The following SYN3 variants were observed in gnomAD, a reference collection of about 807,000 sequenced individuals.
SYN3 encodes the protein synapsin III.
In SYN3, 35 loss-of-function variants were observed where a neutral mutation model predicts 65.8. The observed-to-expected ratio is 0.53, with a 90% CI of 0.41 to 0.70. The LOEUF (loss-of-function observed/expected upper bound fraction) is 0.70. Among genes scored for constraint, SYN3 ranks in the 30% least tolerant of loss-of-function variants. The pLI is 0.00. For synonymous variants in SYN3, 270 were observed against 292.9 expected (o/e 0.92, Z 0.80); for missense variants, 680 against 749.0 (o/e 0.91, Z 1.08).
At chr22:32,672,122 G>T (rs2060380075) in intron 6 of SYN3, among the ~76,000 whole-genome samples, 2 of 152,110 alleles carry the variant, frequency 1.3e-5, no homozygotes, top group African/African-American at 4.8e-5. Flanking sequence ...ATCCATCATG[G>T]CCAGCAGGCT....
rs372184854 is a variant in SYN3 at position 32,685,018 on chromosome 22, T to C, written c.712-88282A>G. Among the ~76,000 whole-genome samples, 85 of 152,340 alleles carry C rather than the reference T, an allele frequency of 5.6e-4. No homozygotes were observed. In the East Asian group the frequency reaches 0.012, roughly 21 times the overall value. The stretch of plus-strand genomic sequence containing the variant: ...CTCTTTTTTTATAAACCAAGTTTTA[T>C]TGGGACACAGCCATGCCCCATTGTT... On this transcript the variant is annotated intron_variant, in intron 6 of 13. Coordinates refer to ENST00000358763, the MANE Select transcript of SYN3 (RefSeq NM_003490.4).
intron 12 of SYN3, among the ~76,000 whole-genome samples, chr22:32,525,122 G>T (rs184117504): frequency 1.9e-3 from 288 of 152,316 alleles, no homozygotes; most frequent in African/African-American, 6.6e-3. Flanking sequence ...TACCTTTCTA[G>T]ATGCCATTAA....
chr22:32,541,320 G>A (rs1274855453), intron 8 of SYN3, among the ~76,000 whole-genome samples: 1 of 152,218 alleles, frequency 6.6e-6, no homozygotes, highest in Non-Finnish European at 1.5e-5. Context: ...TGTATGTGCA[G>A]TTCCCTAGAC....
At chr22:32,875,243 G>A (rs577726468) in intron 4 of SYN3, among the ~76,000 whole-genome samples, 8 of 152,344 alleles carry the variant, frequency 5.3e-5, no homozygotes, top group South Asian at 4.1e-4. Context: ...GAAGGGGCCC[G>A]GTGGGGTTTA....
intron 6 of SYN3, among the ~76,000 whole-genome samples, chr22:32,710,827 G>A (rs2060954248): frequency 6.6e-6 from 1 of 151,806 alleles, no homozygotes; most frequent in Admixed American, 6.6e-5. Context: ...AGAACCATGA[G>A]CCAATTAAAC....
At chr22:33,025,634 GAA>G (rs34210309) in intron 1 of SYN3, among the ~76,000 whole-genome samples, 94,660 of 142,654 alleles carry the variant, frequency 0.66, 31,064 homozygotes, top group African/African-American at 0.72. Flanking sequence ...ACTCCGTCTG[GAA>G]AAAAAAAAAA....
At chr22:32,660,018 G>T (rs1396556667) in intron 6 of SYN3, among the ~76,000 whole-genome samples, 1 of 152,168 alleles carries the variant, frequency 6.6e-6, no homozygotes, top group Non-Finnish European at 1.5e-5. Flanking sequence ...AGTCAGGCAT[G>T]GTGCTAGGGA....
At position 32,931,484 on chromosome 22, in the gene SYN3, G is replaced by GA; in HGVS notation, c.370-4dup. The GA allele has an allele frequency of 6.2e-7, 1 of 1,609,602 alleles. No homozygotes were observed. The highest frequency in any genetic ancestry group is 8.5e-7 in the Non-Finnish European group (1 of 1,175,956). The stretch of plus-strand genomic sequence containing the variant: ...AGGTTCAACTCTGAGAATTCAGCCT[G>GA]AAGAATAAAGCAAAGCAAAAAAGGA... On this transcript the variant is annotated splice_polypyrimidine_tract_variant and splice_region_variant and intron_variant, in intron 3 of 13. Transcript: ENST00000358763.
rs188174321 is a variant in SYN3, at chr22:32,580,909, A to G, written c.774+15765T>C. Among the ~76,000 whole-genome samples, 244 of 152,318 alleles carry G rather than the reference A, an allele frequency of 1.6e-3. 4 individuals are homozygous for G. The highest frequency in any genetic ancestry group is 5.3e-3 in the African/African-American group (220 of 41,570). ...TCACCTGGGAGCTTGTTAGAAATTCAGAACCCCAGGCAGGCGGGACTGCAG... is the reference window on the plus strand; with the variant it reads ...TCACCTGGGAGCTTGTTAGAAATTCGGAACCCCAGGCAGGCGGGACTGCAG... On this transcript the variant is annotated intron_variant, in intron 7 of 13. Coordinates refer to ENST00000358763, the MANE Select transcript of SYN3 (RefSeq NM_003490.4).
At chr22:32,934,676 T>C (rs1431612827) in intron 3 of SYN3, among the ~76,000 whole-genome samples, 2 of 152,200 alleles carry the variant, frequency 1.3e-5, no homozygotes, top group African/African-American at 2.4e-5. Context: ...AAAATTGTAG[T>C]GAATTGAATT....
In SYN3 at chr22:32,518,334, C is replaced by A; in HGVS notation, c.1319G>T (p.Gly440Val). 1 of 1,609,516 alleles carries A rather than the reference C, an allele frequency of 6.2e-7. No homozygotes were observed. Among genetic ancestry groups the A allele is most frequent in the African/African-American group, 1.3e-5 (1 of 74,618 alleles). Residue 440 changes from glycine (G) to valine (V), a missense_variant and splice_region_variant, in exon 13 of 14, where the codon GGA becomes GTA. Transcript: ENST00000358763. ...GQPQPRPPPQ[G>V]GPRQAQSPQP... ...AGGAGACTGAGCTTGGCGAGGGCCT[C>A]CTAAGGGGCCAGAAAAAAAAAGGTT... is the stretch of plus-strand genomic sequence containing the variant.
chr22:32,671,936 G>T (rs1223434198), intron 6 of SYN3, among the ~76,000 whole-genome samples: 1 of 152,260 alleles, frequency 6.6e-6, no homozygotes, highest in Non-Finnish European at 1.5e-5. Flanking sequence ...TGGATTGGAT[G>T]ATCTCAAGTG....
At chr22:32,595,130 G>C (rs2059181166) in intron 7 of SYN3, among the ~76,000 whole-genome samples, 1 of 152,172 alleles carries the variant, frequency 6.6e-6, no homozygotes, top group Non-Finnish European at 1.5e-5. Context: ...CACATGGTTT[G>C]ACTGGTGTTA....
At chr22:32,913,409 C>T (rs572875450) in intron 4 of SYN3, among the ~76,000 whole-genome samples, 128 of 151,996 alleles carry the variant, frequency 8.4e-4, no homozygotes, top group African/African-American at 3.0e-3. Flanking sequence ...CCGCCCACCT[C>T]GGCCTCCCAA....
intron 6 of SYN3, among the ~76,000 whole-genome samples, chr22:32,636,357 G>A (rs1601810246): frequency 6.7e-6 from 1 of 148,684 alleles, no homozygotes; most frequent in Non-Finnish European, 1.5e-5. Context: ...AGCCGAGATT[G>A]TGCCACTGCA....
chr22:32,836,549 T>C (rs193137048), intron 6 of SYN3, among the ~76,000 whole-genome samples: 9 of 152,374 alleles, frequency 5.9e-5, no homozygotes, highest in Non-Finnish European at 2.9e-5. Context: ...CTTTAATCAT[T>C]CCTCCGCACC....
intron 10 of SYN3, 86 bp from the exon 11 acceptor site, chr22:32,529,094 GCTCAGGACAGAAGTGACCAC>G: frequency 1.3e-6 from 2 of 1,559,214 alleles, no homozygotes; most frequent in Non-Finnish European, 1.8e-6. Flanking sequence ...GGGGCTCAGG[GCTCAGGACAGAAGTGACCAC>G]CAGATGGCGA....
At chr22:32,600,845 C>T (rs1223682123) in intron 6 of SYN3, among the ~76,000 whole-genome samples, 1 of 152,168 alleles carries the variant, frequency 6.6e-6, no homozygotes, top group Non-Finnish European at 1.5e-5. Flanking sequence ...TGCCACCATG[C>T]CTGGCTAATT....
At chr22:32,523,645 C>A (rs1461609581) in intron 12 of SYN3, among the ~76,000 whole-genome samples, 2 of 152,180 alleles carry the variant, frequency 1.3e-5, no homozygotes, top group South Asian at 4.1e-4. Context: ...CCCCTAGACA[C>A]AACAATATTG....
Sources: allele counts gnomAD v4.1 joint callset (sites outside exome capture counted in the v4.1 genomes callset), GRCh38; gene constraint gnomAD v4.1.1; transcripts MANE v1.5; gene names NCBI Gene and HGNC (gene_info 2026-07-23, HGNC 2026-07-21).